Variants in IQGAP2 observed in about 807,000 individuals in gnomAD.
The protein encoded by IQGAP2 is ras GTPase-activating-like protein IQGAP2.
A neutral mutation model predicts 201.3 loss-of-function variants in IQGAP2; 173 were observed. The observed-to-expected ratio is 0.86, with a 90% CI of 0.76 to 0.98. The LOEUF (loss-of-function observed/expected upper bound fraction) is 0.98, where lower values mean the gene tolerates loss of function less well. Among genes scored for constraint, IQGAP2 ranks in the 50% least tolerant of loss-of-function variants. IQGAP2 has a pLI of 0.00. For missense variants in IQGAP2, 1,687 were observed against 1,864.8 expected (o/e 0.90, Z 1.76); for synonymous variants, 675 against 673.9 (o/e 1.00, Z -0.03).
intron 2 of IQGAP2, among the ~76,000 whole-genome samples, chr5:76,513,954 G>A (rs1263300162): frequency 6.8e-6 from 1 of 146,956 alleles, no homozygotes; most frequent in Non-Finnish European, 1.5e-5. Flanking sequence ...CGGAAATCCT[G>A]TACTTTTCTT....
At chr5:76,531,709 G>A (rs1308050045) in intron 2 of IQGAP2, among the ~76,000 whole-genome samples, 1 of 152,132 alleles carries the variant, frequency 6.6e-6, no homozygotes, top group Non-Finnish European at 1.5e-5. Flanking sequence ...TTATATTTTT[G>A]TCTTTTAAAA....
chr5:76,681,089 CAAAAAA>C (rs34896356), intron 28 of IQGAP2, among the ~76,000 whole-genome samples: 1 of 52,952 alleles, frequency 1.9e-5, no homozygotes, highest in African/African-American at 8.1e-5. Context: ...GACTTTGTCT[CAAAAAA>C]AAAAAAAAAA....
chr5:76,635,788 C>CA (rs35856761), intron 15 of IQGAP2, among the ~76,000 whole-genome samples: 86,560 of 151,440 alleles, frequency 0.57, 24,810 homozygotes, highest in South Asian at 0.62. Context: ...TTGGTCACAC[C>CA]ACTGTTCTCC....
rs1443743777 is a variant in IQGAP2 at position 76,508,015 on chromosome 5, A to AG, written c.146+46346_146+46347insG. Among the ~76,000 whole-genome samples, 251 of 149,820 alleles carry AG rather than the reference A, an allele frequency of 1.7e-3. 1 individual carries two copies. The highest frequency in any genetic ancestry group is 6.0e-3 in the African/African-American group (242 of 40,482). ...GTGAGACTCCTTCTCAAAAAAAAAA[A>AG]AAAAAAAAAAAATGGGCCAAAGATA... On this transcript the variant is annotated intron_variant, in intron 2 of 35. Coordinates refer to ENST00000274364, the MANE Select transcript of IQGAP2 (RefSeq NM_006633.5).
rs1215184751 is a variant in IQGAP2, at chr5:76,589,260, T to C, written c.526+287T>C. Among the ~76,000 whole-genome samples the C allele has an allele frequency of 7.6e-5, 11 of 144,726 alleles. No individual in the cohort carries two copies. The Admixed American group carries it at 7.9e-4, about 10-fold the overall frequency. The allele number at this position is 144,726 out of a possible 152,430, so 94.9% of individuals were successfully genotyped here. On this transcript the variant is annotated intron_variant, in intron 6 of 35. Transcript: ENST00000274364. ...CTGGGAGGCGGAGCTTGCAGTGAGC[T>C]GAGATTGTGCCACTGCACTCCAGCC...
chr5:76,702,442 A>T (rs958635053), intron 34 of IQGAP2, 40 bp from the exon 35 acceptor site: 1 of 918,612 alleles, frequency 1.1e-6, no homozygotes, highest in Non-Finnish European at 1.8e-6. Context: ...GCACATCTGT[A>T]TTTGTAATTT....
At chr5:76,570,540 G>A (rs779932610) in intron 3 of IQGAP2, 40 bp from the exon 4 acceptor site, 56 of 1,390,316 alleles carry the variant, frequency 4.0e-5, no homozygotes, top group Non-Finnish European at 5.5e-5. Context: ...CTTTTTGTGT[G>A]GTTCCTTCTC....
chr5:76,553,810 G>A (rs1229658206), intron 2 of IQGAP2, among the ~76,000 whole-genome samples: 1 of 152,108 alleles, frequency 6.6e-6, no homozygotes, highest in Admixed American at 6.5e-5. Context: ...TGGGGTTGTG[G>A]GCCAATAAAC....
chr5:76,548,271 G>T (rs922407214), intron 2 of IQGAP2, among the ~76,000 whole-genome samples: 16 of 152,156 alleles, frequency 1.1e-4, no homozygotes, highest in African/African-American at 3.9e-4. Context: ...GAGATCCAAG[G>T]TCCAGTGAAC....
intron 1 of IQGAP2, among the ~76,000 whole-genome samples, chr5:76,446,546 T>TC (rs1344571273): frequency 2.0e-5 from 3 of 152,132 alleles, no homozygotes; most frequent in Non-Finnish European, 2.9e-5. Flanking sequence ...AGCAAAGCCC[T>TC]CCTTCTGTGT....
chr5:76,679,869 C>T (rs959006157), intron 28 of IQGAP2, among the ~76,000 whole-genome samples: 2 of 152,118 alleles, frequency 1.3e-5, no homozygotes, highest in Non-Finnish European at 2.9e-5. Context: ...AACAAAGTAC[C>T]TCTACTATAG....
chr5:76,593,596 C>T (rs951472829), intron 9 of IQGAP2, among the ~76,000 whole-genome samples: 17 of 152,168 alleles, frequency 1.1e-4, no homozygotes, highest in African/African-American at 3.6e-4. Flanking sequence ...CTTTTCTCCC[C>T]TCTGGCAAAA....
chr5:76,589,288 G>C (rs1207882304), intron 6 of IQGAP2, among the ~76,000 whole-genome samples: 2 of 146,852 alleles, frequency 1.4e-5, no homozygotes, highest in African/African-American at 2.6e-5. Context: ...CTCCAGCCTG[G>C]ACGACAGAGC....
rs115087565 is a variant in IQGAP2, at chr5:76,479,540, G to A, written c.146+17871G>A. Among the ~76,000 whole-genome samples, 270 of 152,266 alleles carry A rather than the reference G, an allele frequency of 1.8e-3. 1 individual carries two copies. The highest frequency in any genetic ancestry group is 5.1e-3 in the Admixed American group (78 of 15,304). ...TACTCACAGACATTTAGGGGAGCAC[G>A]TGCCATCCCTCTCACAATTTTGAAT... On this transcript the variant is annotated intron_variant, in intron 2 of 35. Coordinates refer to ENST00000274364, the MANE Select transcript of IQGAP2 (RefSeq NM_006633.5).
In IQGAP2 at chr5:76,695,639, C is replaced by A; in HGVS notation, c.4179C>A (p.Tyr1393Ter). The change falls in exon 32 of 36, where the codon TAC (tyrosine) becomes TAA (stop). Residue 1393 changes from tyrosine (Y) to a stop codon, truncating the protein, a stop_gained. Coordinates refer to ENST00000274364, the MANE Select transcript of IQGAP2 (RefSeq NM_006633.5). LOFTEE classifies it high-confidence loss of function. ...GACACGTGTCATCCGAAAATAAATA[C>A]CAAGACATTCTCAATGAGATTGCCA... is the stretch of plus-strand genomic sequence containing the variant. ...QTGHVSSENK[Y>*]QDILNEIAKD... is the part of the protein sequence containing the mutation. 2 of 1,613,968 alleles carry A rather than the reference C, an allele frequency of 1.2e-6. No homozygotes were observed. The highest frequency in any genetic ancestry group is 1.7e-6 in the Non-Finnish European group (2 of 1,179,922).
chr5:76,687,144 T>C (rs750124037), intron 30 of IQGAP2, among the ~76,000 whole-genome samples: 2 of 152,232 alleles, frequency 1.3e-5, no homozygotes, highest in Non-Finnish European at 2.9e-5. Flanking sequence ...TTTCCATTTA[T>C]GTAAAAAAGG....
At chr5:76,460,399 GGGGAGAT>G (rs1442709833) in intron 1 of IQGAP2, among the ~76,000 whole-genome samples, 1 of 152,162 alleles carries the variant, frequency 6.6e-6, no homozygotes, top group Non-Finnish European at 1.5e-5. Flanking sequence ...TCCTGGATGT[GGGGAGAT>G]GCAAAGTGCT....
chr5:76,682,732 C>T (rs1008348933), intron 28 of IQGAP2, among the ~76,000 whole-genome samples: 1 of 152,166 alleles, frequency 6.6e-6, no homozygotes, highest in African/African-American at 2.4e-5. Flanking sequence ...TTGATTACTG[C>T]ATAGAGATGT....
chr5:76,618,002 A>G (rs1749165264), intron 13 of IQGAP2: 1 of 1,614,068 alleles, frequency 6.2e-7, no homozygotes, highest in African/African-American at 1.3e-5. Context: ...GAACAAGATA[A>G]TATTCCTGCT....
Sources: gnomAD v4.1 joint callset for allele counts (sites outside exome capture counted in the v4.1 genomes callset) on GRCh38, gnomAD v4.1.1 for gene constraint, MANE v1.5 for transcripts, NCBI Gene and HGNC (gene_info 2026-07-23, HGNC 2026-07-21) for gene names.